ITGA1: variants seen among roughly 807,000 people sequenced by gnomAD.
ITGA1 encodes integrin subunit alpha 1.
A neutral mutation model predicts 145.9 loss-of-function variants in ITGA1; 85 were observed. The ratio of observed to expected loss-of-function variants is 0.58; its 90% CI spans 0.49 to 0.70. ITGA1 has a LOEUF of 0.70. Ranked by LOEUF, ITGA1 falls within the 30% of genes least tolerant of loss-of-function variation. The probability of loss-of-function intolerance (pLI) is 0.00; values close to 1 mark genes in which losing one functional copy is unlikely to be tolerated. For missense variants in ITGA1, 1,351 were observed against 1,418.7 expected (o/e 0.95, Z 0.77); for synonymous variants, 520 against 495.3 (o/e 1.05, Z -0.66).
chr5:52,829,038 T>A (rs1228923464), intron 1 of ITGA1, among the ~76,000 whole-genome samples: 1 of 152,210 alleles, frequency 6.6e-6, no homozygotes, highest in Non-Finnish European at 1.5e-5. Flanking sequence ...AAAAACAGGA[T>A]GATCTCATTT....
rs1433373154 is a variant in ITGA1, at chr5:52,954,525, G to A, written c.*2074G>A. ...AGATCAAAGAGATACTTATAAGCCC[G>A]GCACAATTTTTAACATAAGTCATTC... On this transcript the variant is annotated 3_prime_UTR_variant, in exon 29 of 29. Transcript: ENST00000282588. 3.3e-5 allele frequency: 5 copies of A among 152,092 alleles called. No individual in the cohort carries two copies. The highest frequency in any genetic ancestry group is 1.9e-4 in the East Asian group (1 of 5,198). 9.4% of individuals were successfully genotyped at this position (152,092 alleles called of 1,614,324 possible).
At chr5:52,926,162 A>G (rs1041023750) in intron 19 of ITGA1, among the ~76,000 whole-genome samples, 8 of 152,166 alleles carry the variant, frequency 5.3e-5, no homozygotes, top group Non-Finnish European at 1.0e-4. Context: ...TATTATACAT[A>G]GTATTAAAAC....
Position 52,908,811 on chromosome 5 carries a change from T to C in ITGA1, c.1456-87T>C, listed in dbSNP as rs1383275367. On this transcript the variant is annotated intron_variant, in intron 12 of 28. Coordinates refer to ENST00000282588, the MANE Select transcript of ITGA1 (RefSeq NM_181501.2). ...TTTGCCAACTAGCTCCTCTTCTAGA[T>C]TGCTAGAAGTAAAACAAATGTAGAT... The C allele has an allele frequency of 1.1e-5, 15 of 1,424,328 alleles. No individual in the cohort carries two copies. In the South Asian group the frequency reaches 1.8e-4, roughly 17 times the overall value. The allele number at this position is 1,424,328 out of a possible 1,614,324, so 88.2% of individuals were successfully genotyped here.
chr5:52,843,549 G>C (rs1332823900), intron 1 of ITGA1, among the ~76,000 whole-genome samples: 1 of 152,126 alleles, frequency 6.6e-6, no homozygotes, highest in Non-Finnish European at 1.5e-5. Flanking sequence ...TGGAACTCAA[G>C]GATGCGTACA....
chr5:52,922,823 A>G lies in ITGA1; in HGVS notation c.2339A>G (p.Asn780Ser), dbSNP rs1355559086. 1 of 1,613,502 alleles carries G rather than the reference A, an allele frequency of 6.2e-7. No individual in the cohort carries two copies. The highest frequency in any genetic ancestry group is 8.5e-7 in the Non-Finnish European group (1 of 1,179,556). Residue 780 changes from asparagine to serine, a missense_variant, in exon 18 of 29, where the codon AAT (asparagine) becomes AGT (serine). Transcript: ENST00000282588. The stretch of plus-strand genomic sequence containing the variant: ...TCTGTGAGAATAACGTTGGACTTTA[A>G]TCTTACCGATCCAGAAAATGGGCCT... Reference protein sequence around the residue: ...QDSVRITLDFNLTDPENGPVL... With the variant: ...QDSVRITLDFSLTDPENGPVL...
chr5:52,911,223 T>G (rs1317104493), intron 14 of ITGA1, among the ~76,000 whole-genome samples: 1 of 136,108 alleles, frequency 7.3e-6, no homozygotes, highest in Non-Finnish European at 1.5e-5. Flanking sequence ...AGTGTATATA[T>G]AGTATATGTA....
At chr5:52,867,974 G>A (rs1455037057) in intron 6 of ITGA1, among the ~76,000 whole-genome samples, 3 of 151,878 alleles carry the variant, frequency 2.0e-5, no homozygotes, top group Non-Finnish European at 2.9e-5. Flanking sequence ...CCTTCCTCAG[G>A]CAGCCTCTTG....
rs1015432379 is a variant in ITGA1 at position 52,954,966 on chromosome 5, A to G, written c.*2515A>G. 3 of 152,216 alleles carry G rather than the reference A, an allele frequency of 2.0e-5. No homozygotes were observed. Among genetic ancestry groups the G allele is most frequent in the African/African-American group, 7.2e-5 (3 of 41,466 alleles). The allele number at this position is 152,216 out of a possible 1,614,324, so 9.4% of individuals were successfully genotyped here. A position where few individuals can be genotyped will look rare whatever the true frequency, so the allele number is the denominator to read the frequency against. On this transcript the variant is annotated 3_prime_UTR_variant, in exon 29 of 29. Coordinates refer to ENST00000282588, the MANE Select transcript of ITGA1 (RefSeq NM_181501.2). ...ATTTACTTTTAAAACATTTAATTAG[A>G]AAAACAGGTGATATTTAAGACTATT...
intron 15 of ITGA1, among the ~76,000 whole-genome samples, chr5:52,917,604 G>GA (rs1303582124): frequency 8.9e-6 from 1 of 112,322 alleles, no homozygotes; most frequent in African/African-American, 2.7e-5. Flanking sequence ...AATGTTCTCA[G>GA]AAAAATGTAA....
intron 28 of ITGA1, among the ~76,000 whole-genome samples, chr5:52,950,111 A>G (rs1751195945): frequency 6.6e-6 from 1 of 152,312 alleles, no homozygotes; most frequent in Non-Finnish European, 1.5e-5. Flanking sequence ...ACACTTCATG[A>G]TTGATGGGAG....
chr5:52,807,783 G>A (rs914656757), intron 1 of ITGA1, among the ~76,000 whole-genome samples: 1 of 152,108 alleles, frequency 6.6e-6, no homozygotes, highest in African/African-American at 2.4e-5. Flanking sequence ...GCACTATCCA[G>A]CATTCATTTA....
rs113589570 is a variant in ITGA1, at chr5:52,884,319, C to T, written c.773+2298C>T. Among the ~76,000 whole-genome samples, 11 of 151,862 alleles carry T rather than the reference C, an allele frequency of 7.2e-5. 1 individual carries two copies. Among genetic ancestry groups the T allele is most frequent in the African/African-American group, 2.2e-4 (9 of 41,418 alleles). Reference sequence around the variant, plus strand: ...AAAATTAGCCGGGCGTGGTGGTGGGCGCCTGTAATCCCAGCTACTCAGGAG... The same window carrying T: ...AAAATTAGCCGGGCGTGGTGGTGGGTGCCTGTAATCCCAGCTACTCAGGAG... On this transcript the variant is annotated intron_variant, in intron 7 of 28. Transcript: ENST00000282588.
At chr5:52,903,255 C>A (rs1708849948) in intron 11 of ITGA1, 2 of 152,052 alleles carry the variant, frequency 1.3e-5, no homozygotes, top group African/African-American at 2.4e-5. Flanking sequence ...CTAACACTCT[C>A]ATTCTACTCC....
At chr5:52,926,271 T>C (rs1489524479) in intron 19 of ITGA1, among the ~76,000 whole-genome samples, 1 of 152,092 alleles carries the variant, frequency 6.6e-6, no homozygotes, top group Non-Finnish European at 1.5e-5. Context: ...AACCTAAAAA[T>C]AATGTCATAT....
intron 1 of ITGA1, among the ~76,000 whole-genome samples, chr5:52,832,837 G>GTT (rs10634936): frequency 0.84 from 118,944 of 140,984 alleles, 51,184 homozygotes; most frequent in Non-Finnish European, 0.87. Flanking sequence ...TCTCAAAAGA[G>GTT]TTTTTTTTTG....
At chr5:52,901,279 C>T (rs1269401352) in intron 11 of ITGA1, among the ~76,000 whole-genome samples, 2 of 152,156 alleles carry the variant, frequency 1.3e-5, no homozygotes, top group South Asian at 4.1e-4. Context: ...ACCGATTCTC[C>T]TTGATAGGCT....
intron 7 of ITGA1, among the ~76,000 whole-genome samples, chr5:52,884,991 T>C (rs115605648): frequency 0.027 from 4,037 of 152,264 alleles, 200 homozygotes; most frequent in African/African-American, 0.093. Context: ...ATTAGACCCC[T>C]TACTTGGGTT....
intron 18 of ITGA1, among the ~76,000 whole-genome samples, chr5:52,923,164 C>T (rs934965360): frequency 1.3e-5 from 2 of 152,180 alleles, no homozygotes; most frequent in African/African-American, 4.8e-5. Flanking sequence ...CAGAGAGGAA[C>T]TCCAGATGTA....
At chr5:52,795,873 T>TG (rs1748331827) in intron 1 of ITGA1, among the ~76,000 whole-genome samples, 1 of 151,964 alleles carries the variant, frequency 6.6e-6, no homozygotes, top group Non-Finnish European at 1.5e-5. Context: ...TATTGCGGTC[T>TG]GGGACTTATT....
Sources: gnomAD v4.1 joint callset for allele counts (sites outside exome capture counted in the v4.1 genomes callset) on GRCh38, gnomAD v4.1.1 for gene constraint, MANE v1.5 for transcripts, NCBI Gene and HGNC (gene_info 2026-07-23, HGNC 2026-07-21) for gene names.